The following NEK11 variants were observed in gnomAD, a reference collection of about 807,000 sequenced individuals.
NEK11 encodes NIMA related kinase 11.
In NEK11, 72 loss-of-function variants were observed where a neutral mutation model predicts 80.7. The observed-to-expected ratio is 0.89, with a 90% CI of 0.74 to 1.08. NEK11 has a LOEUF of 1.08. Ranked by LOEUF, NEK11 falls within the 50% of genes least tolerant of loss-of-function variation. The probability of loss-of-function intolerance (pLI) is 0.00; values close to 1 mark genes in which losing one functional copy is unlikely to be tolerated. For synonymous variants in NEK11, 251 were observed against 260.7 expected, an observed-to-expected ratio of 0.96 and a Z score of 0.36; for missense variants, 764 against 763.6, an observed-to-expected ratio of 1.00 and a Z score of -0.01.
chr3:131,253,238 C>CT (rs1156611271), intron 16 of NEK11, among the ~76,000 whole-genome samples: 2 of 152,092 alleles, frequency 1.3e-5, no homozygotes, highest in African/African-American at 2.4e-5. Flanking sequence ...CTACTAGGTG[C>CT]TTTTCTCATA....
At chr3:131,256,612 G>A (rs2095821183) in intron 16 of NEK11, among the ~76,000 whole-genome samples, 1 of 152,056 alleles carries the variant, frequency 6.6e-6, no homozygotes, top group Non-Finnish European at 1.5e-5. Context: ...AAAACATATG[G>A]GCTGAAAACA....
chr3:131,116,904 A>C (rs2081330027), intron 5 of NEK11, among the ~76,000 whole-genome samples: 1 of 152,106 alleles, frequency 6.6e-6, no homozygotes, highest in Non-Finnish European at 1.5e-5. Flanking sequence ...AGATTGCAAA[A>C]ATTTTCTCCC....
At chr3:131,133,433 C>T (rs1329955123) in intron 6 of NEK11, 3 of 321,620 alleles carry the variant, frequency 9.3e-6, no homozygotes, top group Middle Eastern at 6.7e-4. Context: ...CTTTAAAACG[C>T]TCCATTATTG....
At chr3:131,152,795 G>A in intron 9 of NEK11, 86 bp downstream of exon 9, 1 of 942,606 alleles carries the variant, frequency 1.1e-6, no homozygotes, top group South Asian at 1.5e-5. Flanking sequence ...GTGGGGATAT[G>A]ATTCAGTAAG....
At chr3:131,071,083 C>T (rs1225545088) in intron 3 of NEK11, among the ~76,000 whole-genome samples, 1 of 152,176 alleles carries the variant, frequency 6.6e-6, no homozygotes, top group Non-Finnish European at 1.5e-5. Context: ...ATTATCATTT[C>T]TCTGAGATAT....
chr3:131,285,783 A>G (rs1256820363), intron 17 of NEK11, among the ~76,000 whole-genome samples: 3 of 152,190 alleles, frequency 2.0e-5, no homozygotes, highest in Admixed American at 6.5e-5. Flanking sequence ...GTGTGCACGC[A>G]TGTCTGTGCC....
At chr3:131,245,802 T>C (rs1256959782) in intron 16 of NEK11, among the ~76,000 whole-genome samples, 2 of 151,966 alleles carry the variant, frequency 1.3e-5, no homozygotes, top group African/African-American at 4.8e-5. Context: ...TTAGTTGGGG[T>C]TTTTTTGTTT....
chr3:131,132,483 A>G (rs995721888), intron 5 of NEK11, among the ~76,000 whole-genome samples: 3 of 152,098 alleles, frequency 2.0e-5, no homozygotes, highest in African/African-American at 7.2e-5. Flanking sequence ...ATAATAAAAT[A>G]TAGCCTATTG....
intron 15 of NEK11, among the ~76,000 whole-genome samples, chr3:131,235,005 G>T (rs937909600): frequency 6.6e-6 from 1 of 152,006 alleles, no homozygotes; most frequent in Non-Finnish European, 1.5e-5. Flanking sequence ...AAAGGCAATA[G>T]GGTGAAAAAA....
chr3:131,161,051 C>T (rs764745400), intron 10 of NEK11, among the ~76,000 whole-genome samples: 4 of 150,412 alleles, frequency 2.7e-5, no homozygotes, highest in African/African-American at 4.9e-5. Context: ...GGCGTGGTAG[C>T]GTGTGCCTGT....
At position 131,168,954 on chromosome 3, in the gene NEK11, T is replaced by C; in HGVS notation, c.1284+17T>C. On this transcript the variant is annotated intron_variant, in intron 13 of 17. Coordinates refer to ENST00000383366, the MANE Select transcript of NEK11 (RefSeq NM_024800.5). Reference sequence around the variant, plus strand: ...AGGGAAGAGGCAAGTTTAATCATATTCACAAGCACAAAAGTGAGGCAGGTT... The same window carrying C: ...AGGGAAGAGGCAAGTTTAATCATATCCACAAGCACAAAAGTGAGGCAGGTT... 1 of 1,591,520 alleles carries C rather than the reference T, an allele frequency of 6.3e-7. No homozygotes were observed.
intron 3 of NEK11, among the ~76,000 whole-genome samples, chr3:131,063,538 A>G (rs146950435): frequency 2.0e-5 from 3 of 152,322 alleles, no homozygotes; most frequent in Admixed American, 2.0e-4. Context: ...GAAAAAGGAT[A>G]CAGAGATAGG....
chr3:131,271,954 G>A, intron 16 of NEK11, among the ~76,000 whole-genome samples: 1 of 151,948 alleles, frequency 6.6e-6, no homozygotes, highest in Non-Finnish European at 1.5e-5. Flanking sequence ...TACAAAATTA[G>A]CCAGGCATGG....
chr3:131,209,339 G>T (rs2094539829), intron 14 of NEK11, among the ~76,000 whole-genome samples: 1 of 152,206 alleles, frequency 6.6e-6, no homozygotes, highest in African/African-American at 2.4e-5. Flanking sequence ...CGTGACCGTG[G>T]TGGATAAGCT....
At chr3:131,082,275 G>A (rs1313467840) in intron 4 of NEK11, among the ~76,000 whole-genome samples, 3 of 152,158 alleles carry the variant, frequency 2.0e-5, no homozygotes, top group Admixed American at 2.0e-4. Flanking sequence ...TGATCCACCT[G>A]CTATAATTTG....
chr3:131,305,911 G>A (rs1208679302), intron 17 of NEK11, among the ~76,000 whole-genome samples: 1 of 152,122 alleles, frequency 6.6e-6, no homozygotes, highest in Non-Finnish European at 1.5e-5. Flanking sequence ...TGCTTGGAGT[G>A]TCCCAGTCTT....
chr3:131,191,868 C>G (rs2093810975), intron 14 of NEK11, among the ~76,000 whole-genome samples: 1 of 152,024 alleles, frequency 6.6e-6, no homozygotes, highest in African/African-American at 2.4e-5. Flanking sequence ...GAAGAAAGCT[C>G]ATGACATTGG....
intron 10 of NEK11, among the ~76,000 whole-genome samples, chr3:131,161,630 A>T (rs1261581144): frequency 6.6e-6 from 1 of 152,180 alleles, no homozygotes; most frequent in Non-Finnish European, 1.5e-5. Flanking sequence ...GAGCTAAATG[A>T]TGAGAACACA....
At chr3:131,073,638 G>GGT (rs567245878) in intron 3 of NEK11, among the ~76,000 whole-genome samples, 2 of 152,116 alleles carry the variant, frequency 1.3e-5, no homozygotes, top group African/African-American at 4.8e-5. Flanking sequence ...GAATATTTGA[G>GGT]GCACTTTATT....
Sources: allele counts gnomAD v4.1 joint callset (sites outside exome capture counted in the v4.1 genomes callset), GRCh38; gene constraint gnomAD v4.1.1; transcripts MANE v1.5; gene names NCBI Gene and HGNC (gene_info 2026-07-23, HGNC 2026-07-21).